The following RIF1 variants were observed in gnomAD, a reference collection of about 807,000 sequenced individuals.
The protein encoded by RIF1 is replication timing regulatory factor 1.
A neutral mutation model predicts 247.1 loss-of-function variants in RIF1; 45 were observed. The observed-to-expected ratio is 0.18, with a 90% confidence interval of 0.14 to 0.23. RIF1 has a LOEUF of 0.23. RIF1 is among the 10% of genes least tolerant of loss of function. RIF1 has a pLI of 1.00. For missense variants in RIF1, 2,967 were observed against 2,862.5 expected (o/e 1.04, Z -0.83); for synonymous variants, 1,087 against 978.8 (o/e 1.11, Z -2.06).
intron 20 of RIF1, among the ~76,000 whole-genome samples, chr2:151,447,790 C>T (rs1693581246): frequency 6.6e-6 from 1 of 152,146 alleles, no homozygotes; most frequent in African/African-American, 2.4e-5. Context: ...GGTGATCCAC[C>T]TTGGCCTCCC....
At chr2:151,520,109 G>A in the RIF1 span, 64 of 169,870 alleles carry the variant, frequency 3.8e-4, no homozygotes, top group Middle Eastern at 2.8e-3. Flanking sequence ...TTGATTTGGA[G>A]CATTTTAGCA....
chr2:151,530,225 G>T, the RIF1 span, among the ~76,000 whole-genome samples: 5 of 152,112 alleles, frequency 3.3e-5, no homozygotes, highest in African/African-American at 1.2e-4. Context: ...TATTGTCATT[G>T]CTGGAGACAT....
intron 27 of RIF1, 36 bp from the exon 28 acceptor site, chr2:151,462,206 C>T (rs761329111): frequency 1.5e-5 from 20 of 1,304,400 alleles, no homozygotes; most frequent in Middle Eastern, 2.3e-4. Flanking sequence ...GAATATCATC[C>T]GGTTTTTGAA....
In RIF1 at chr2:151,435,488, C is replaced by G. The variant is rs182886629; in HGVS notation, c.1103C>G (p.Thr368Arg). Residue 368 changes from threonine (T) to arginine (R), a missense_variant, in exon 11 of 36, where the codon ACA (threonine) becomes AGA (arginine). Thr to Arg is a moderately conservative substitution (Grantham distance 71). Coordinates refer to ENST00000444746, the MANE Select transcript of RIF1 (RefSeq NM_018151.5). ...EQVCVPLIQS[T>R]ISIDSNASPQ... ...GTTTGTGTGCCTCTGATTCAAAGTACAATAAGCATTGATTCTAATGCCTCA... is the reference window on the plus strand; with the variant it reads ...GTTTGTGTGCCTCTGATTCAAAGTAGAATAAGCATTGATTCTAATGCCTCA... 9.3e-6 allele frequency: 15 copies of G among 1,610,788 alleles called. No homozygotes were observed. The Admixed American group carries it at 1.5e-4, about 16-fold the overall frequency.
downstream of RIF1, chr2:151,485,716 C>A: frequency 6.4e-7 from 1 of 1,553,746 alleles, no homozygotes; most frequent in South Asian, 1.2e-5. Flanking sequence ...ACATTGACTG[C>A]AGGATCTGTA....
At chr2:151,469,059 A>G (rs1697399647) in intron 33 of RIF1, among the ~76,000 whole-genome samples, 1 of 152,176 alleles carries the variant, frequency 6.6e-6, no homozygotes, top group African/African-American at 2.4e-5. Flanking sequence ...TATAGGATGA[A>G]GTTTACAAAG....
the RIF1 span, chr2:151,533,488 C>T: frequency 1.5e-4 from 234 of 1,551,508 alleles, no homozygotes; most frequent in African/African-American, 2.9e-4. Context: ...CATATCTGGA[C>T]GCAGAATTTC....
intron 10 of RIF1, chr2:151,496,398 A>C (rs778264363): frequency 1.9e-6 from 3 of 1,576,752 alleles, no homozygotes; most frequent in Non-Finnish European, 1.7e-6. Context: ...CCAGAAAAAC[A>C]ACCATGAGTA....
chr2:151,417,386 T>TA (rs1687387587), intron 6 of RIF1, among the ~76,000 whole-genome samples: 1 of 152,236 alleles, frequency 6.6e-6, no homozygotes, highest in African/African-American at 2.4e-5. Context: ...CTTGTTGAGT[T>TA]ACTTGCTTTA....
chr2:151,474,328 A>T (rs1254420250), intron 35 of RIF1, among the ~76,000 whole-genome samples: 1 of 152,228 alleles, frequency 6.6e-6, no homozygotes, highest in Non-Finnish European at 1.5e-5. Context: ...GAAGTAGTCT[A>T]CCATTTTTAA....
intron 8 of RIF1, 23 bp from the exon 9 acceptor site, chr2:151,428,761 T>TA: frequency 2.6e-6 from 4 of 1,565,750 alleles, no homozygotes; most frequent in Non-Finnish European, 3.5e-6. Flanking sequence ...AATAACTTCT[T>TA]AATGATTTTT....
intron 11 of RIF1, among the ~76,000 whole-genome samples, chr2:151,501,036 G>T (rs147336598): frequency 1.3e-5 from 2 of 152,236 alleles, no homozygotes; most frequent in African/African-American, 4.8e-5. Context: ...TTCAAGTCCA[G>T]TATCTTTTCT....
At position 151,440,177 on chromosome 2, in the gene RIF1, A is replaced by G. The variant is rs188358985; in HGVS notation, c.1647+50A>G. Reference sequence around the variant, plus strand: ...ACTTTAAAAACCATTTTCTGAAGTTAAATTTTATATAGAAGATATTTGCAC... The same window carrying G: ...ACTTTAAAAACCATTTTCTGAAGTTGAATTTTATATAGAAGATATTTGCAC... On this transcript the variant is annotated intron_variant, in intron 15 of 35. Transcript: ENST00000444746. The G allele has an allele frequency of 5.6e-4, 546 of 971,194 alleles. 4 individuals carry two copies. In the East Asian group the frequency reaches 0.013, roughly 22 times the overall value. The allele number at this position is 971,194 out of a possible 1,614,324, so 60.2% of individuals were successfully genotyped here.
chr2:151,460,759 G>T (rs1164299407), intron 26 of RIF1, among the ~76,000 whole-genome samples: 1 of 152,202 alleles, frequency 6.6e-6, no homozygotes, highest in African/African-American at 2.4e-5. Context: ...TAGTACCAAA[G>T]TTACTTGTAT....
chr2:151,437,328 T>G lies in RIF1; in HGVS notation c.1460T>G (p.Val487Gly). The change falls in exon 13 of 36, where the codon GTT (valine) becomes GGT (glycine). Residue 487 changes from valine to glycine, a missense_variant. By Grantham distance (109) the Val-to-Gly change is moderately radical. Transcript: ENST00000444746. ...TLITAVHDSFVAVGKDAPDVV... is the reference protein window; with the variant it reads ...TLITAVHDSFGAVGKDAPDVV... ...ATCACTGCTGTTCATGATAGCTTTG[T>G]TGCAGTTGGAAAAGATGCCCCCGGT... is the stretch of plus-strand genomic sequence containing the variant. 1.2e-6 allele frequency: 2 copies of G among 1,613,286 alleles called. No individual in the cohort carries two copies. The highest frequency in any genetic ancestry group is 2.2e-5 in the South Asian group (2 of 90,994).
chr2:151,476,408 C>A lies in RIF1; in HGVS notation c.*1337C>A, dbSNP rs538454450. 110 of 152,236 alleles carry A rather than the reference C, an allele frequency of 7.2e-4. No homozygotes were observed. Among genetic ancestry groups the A allele is most frequent in the African/African-American group, 2.6e-3 (108 of 41,560 alleles). 9.4% of individuals were successfully genotyped at this position (152,236 alleles called of 1,614,324 possible). ...ATATTTGTTTCATCTTTTTAACTGA[C>A]AGTATATCTCACTTCTTCTTTGAAT... On this transcript the variant is annotated 3_prime_UTR_variant, in exon 36 of 36. Coordinates refer to ENST00000444746, the MANE Select transcript of RIF1 (RefSeq NM_018151.5).
downstream of RIF1, chr2:151,512,861 G>A (rs758317723): frequency 1.4e-5 from 21 of 1,522,470 alleles, no homozygotes; most frequent in Non-Finnish European, 1.9e-5. Flanking sequence ...CCGAATAGTT[G>A]GGTAAATGTT....
intron 15 of RIF1, 96 bp downstream of exon 15, chr2:151,440,223 T>G: frequency 1.4e-6 from 1 of 708,464 alleles, no homozygotes; most frequent in Non-Finnish European, 2.4e-6. Context: ...TGGGAAGACT[T>G]TTTTATATCA....
chr2:151,503,216 T>G, intron 12 of RIF1: 1 of 666,710 alleles, frequency 1.5e-6, no homozygotes, highest in Non-Finnish European at 2.6e-6. Context: ...ATAATTTTGG[T>G]CAGGTAATAA....
Sources: allele counts gnomAD v4.1 joint callset (sites outside exome capture counted in the v4.1 genomes callset), GRCh38; gene constraint gnomAD v4.1.1; transcripts MANE v1.5; gene names NCBI Gene and HGNC (gene_info 2026-07-23, HGNC 2026-07-21).